The following ARSG variants were observed in gnomAD, a reference collection of about 807,000 sequenced individuals.
ARSG encodes the protein arylsulfatase G.
ARSG carries 37 observed loss-of-function variants against 50.5 expected under a neutral mutation model. That is an observed-to-expected ratio of 0.73 (90% CI 0.56 to 0.96). The LOEUF is 0.96. ARSG is among the 50% of genes least tolerant of loss of function. The probability of loss-of-function intolerance (pLI) is 0.00; values close to 1 mark genes in which losing one functional copy is unlikely to be tolerated. For synonymous variants in ARSG, 225 were observed against 254.6 expected, an observed-to-expected ratio of 0.88 and a Z score of 1.11; for missense variants, 629 against 675.3, an observed-to-expected ratio of 0.93 and a Z score of 0.76.
intron 8 of ARSG, among the ~76,000 whole-genome samples, chr17:68,375,151 G>C (rs1321285044): frequency 1.3e-5 from 2 of 152,200 alleles, no homozygotes; most frequent in African/African-American, 4.8e-5. Context: ...TGACCCAAGA[G>C]GGCTGGGTTG....
At chr17:68,330,386 G>A (rs1416654288) in intron 2 of ARSG, among the ~76,000 whole-genome samples, 2 of 152,118 alleles carry the variant, frequency 1.3e-5, no homozygotes, top group Non-Finnish European at 2.9e-5. Context: ...TGGCCCTTGG[G>A]TTGTTTGACA....
chr17:68,406,338 T>G (rs1215985223), intron 11 of ARSG, among the ~76,000 whole-genome samples: 1 of 152,228 alleles, frequency 6.6e-6, no homozygotes, highest in African/African-American at 2.4e-5. Context: ...CAAATTGTGC[T>G]GCTATAAATA....
intron 1 of ARSG, among the ~76,000 whole-genome samples, chr17:68,301,732 C>G (rs1293696127): frequency 5.3e-5 from 4 of 75,670 alleles, no homozygotes; most frequent in African/African-American, 1.3e-4. Flanking sequence ...CTCTCTGACT[C>G]TAATCCCTGC....
upstream of ARSG, among the ~76,000 whole-genome samples, chr17:68,290,080 G>T (rs1350379744): frequency 2.0e-5 from 3 of 152,282 alleles, no homozygotes; most frequent in Non-Finnish European, 4.4e-5. Context: ...ATCTTACCAT[G>T]ATTTGCAAAA....
chr17:68,433,783 T>TTGTTTTTG, the ARSG span, among the ~76,000 whole-genome samples: 1 of 85,900 alleles, frequency 1.2e-5, no homozygotes, highest in African/African-American at 4.0e-5. Flanking sequence ...TTTTTTTTTT[T>TTGTTTTTG]TTTTTTTTTT....
At chr17:68,373,545 C>G (rs1250071107) in intron 8 of ARSG, among the ~76,000 whole-genome samples, 1 of 152,006 alleles carries the variant, frequency 6.6e-6, no homozygotes, top group Admixed American at 6.6e-5. Flanking sequence ...TCAATTTTAA[C>G]CTATTGTCCC....
chr17:68,284,585 G>C (rs1176824063), intron 1 of ARSG, among the ~76,000 whole-genome samples: 1 of 152,032 alleles, frequency 6.6e-6, no homozygotes, highest in Non-Finnish European at 1.5e-5. Context: ...AAAATAACAG[G>C]ACACAACCTC....
chr17:68,435,855 T>C, the ARSG span: 3 of 725,362 alleles, frequency 4.1e-6, no homozygotes, highest in South Asian at 5.2e-5. Context: ...CATCTGCATG[T>C]AAGCTGTGTG....
At chr17:68,447,896 G>A in the ARSG span, among the ~76,000 whole-genome samples, 1 of 150,372 alleles carries the variant, frequency 6.7e-6, no homozygotes, top group Admixed American at 6.7e-5. Context: ...GGGAGGGTGA[G>A]GCAGGAGAAT....
intron 6 of ARSG, among the ~76,000 whole-genome samples, chr17:68,360,024 C>G (rs2079207708): frequency 6.6e-6 from 1 of 152,132 alleles, no homozygotes; most frequent in Non-Finnish European, 1.5e-5. Context: ...TGTGGTGACT[C>G]AAACGACACT....
chr17:68,435,713 C>A, the ARSG span: 1 of 1,614,168 alleles, frequency 6.2e-7, no homozygotes, highest in Non-Finnish European at 8.5e-7. Context: ...AGACTGTTTT[C>A]TGTTGGTGAA....
intron 9 of ARSG, among the ~76,000 whole-genome samples, chr17:68,387,059 C>T (rs2080761676): frequency 6.7e-6 from 1 of 149,926 alleles, no homozygotes; most frequent in Admixed American, 6.7e-5. Context: ...GACTTTCGCA[C>T]CAACCTAATA....
At chr17:68,266,449 T>TA (rs2075166465) in intron 1 of ARSG, among the ~76,000 whole-genome samples, 1 of 93,288 alleles carries the variant, frequency 1.1e-5, no homozygotes, top group Non-Finnish European at 2.2e-5. Flanking sequence ...TTTTTTTGTA[T>TA]AAAAAGTATA....
intron 1 of ARSG, among the ~76,000 whole-genome samples, chr17:68,295,194 C>T (rs1323245280): frequency 1.3e-5 from 2 of 151,908 alleles, no homozygotes; most frequent in Admixed American, 1.3e-4. Flanking sequence ...GGGTGCTGAG[C>T]CAAGGGAGAG....
chr17:68,348,221 T>C (rs927012443), intron 4 of ARSG, among the ~76,000 whole-genome samples: 1 of 152,192 alleles, frequency 6.6e-6, no homozygotes, highest in Non-Finnish European at 1.5e-5. Flanking sequence ...AGACCTGGCT[T>C]TTGCACTCAC....
chr17:68,330,456 A>G (rs1479445980), intron 2 of ARSG, among the ~76,000 whole-genome samples: 1 of 152,140 alleles, frequency 6.6e-6, no homozygotes, highest in Non-Finnish European at 1.5e-5. Context: ...ATGAGCAGAT[A>G]GATGGAGAGA....
intron 9 of ARSG, among the ~76,000 whole-genome samples, chr17:68,388,389 T>C (rs997487769): frequency 2.0e-5 from 3 of 152,172 alleles, no homozygotes; most frequent in Admixed American, 6.5e-5. Flanking sequence ...CCCCCTAAGT[T>C]GTACAATTAA....
chr17:68,313,032 C>T (rs8070436), intron 2 of ARSG, among the ~76,000 whole-genome samples: 6,723 of 152,132 alleles, frequency 0.044, 442 homozygotes, highest in African/African-American at 0.14. Context: ...GAGGCCGAGG[C>T]GGGCAGATCA....
chr17:68,427,290 G>T (rs1461987744), downstream of ARSG: 2 of 1,505,576 alleles, frequency 1.3e-6, no homozygotes, highest in South Asian at 1.1e-5. Context: ...AAAGAAAAAA[G>T]AAATCATCAT....
Sources: allele counts gnomAD v4.1 joint callset (sites outside exome capture counted in the v4.1 genomes callset), GRCh38; gene constraint gnomAD v4.1.1; transcripts MANE v1.5; gene names NCBI Gene and HGNC (gene_info 2026-07-23, HGNC 2026-07-21).